FOXJ3: variants seen among roughly 807,000 people sequenced by gnomAD.
FOXJ3 encodes forkhead box protein J3.
Under a neutral mutation model 76.1 loss-of-function variants are expected in FOXJ3, and 22 were observed. The observed-to-expected ratio is 0.29, with a 90% CI of 0.21 to 0.41. The LOEUF (loss-of-function observed/expected upper bound fraction) is 0.41, where lower values mean the gene tolerates loss of function less well. FOXJ3 is among the 10% of genes least tolerant of loss of function. FOXJ3 has a pLI of 1.00. For synonymous variants in FOXJ3, 269 were observed against 261.2 expected (o/e 1.03, Z -0.29); for missense variants, 613 against 762.1 (o/e 0.80, Z 2.30).
chr1:42,303,318 T>C (rs1429254628), intron 2 of FOXJ3, among the ~76,000 whole-genome samples: 4 of 152,188 alleles, frequency 2.6e-5, no homozygotes. Context: ...CATAGAATTG[T>C]TGGGGGAACT....
In FOXJ3 at chr1:42,184,610, A is replaced by G. The variant is rs146163848; in HGVS notation, c.1646-2586T>C. Among the ~76,000 whole-genome samples, 62 of 152,054 alleles carry G rather than the reference A, an allele frequency of 4.1e-4. 1 individual carries two copies. Among genetic ancestry groups the G allele is most frequent in the African/African-American group, 1.5e-3 (61 of 41,408 alleles). On this transcript the variant is annotated intron_variant, in intron 11 of 12. Coordinates refer to ENST00000361346, the MANE Select transcript of FOXJ3 (RefSeq NM_014947.5). ...ATGGATACAGCAATGAAAAAACACA[A>G]CTCTGCTTTTCGGGTGTGTATTCTT...
chr1:42,298,567 A>G (rs1653937591), intron 2 of FOXJ3, among the ~76,000 whole-genome samples: 1 of 152,014 alleles, frequency 6.6e-6, no homozygotes, highest in Non-Finnish European at 1.5e-5. Flanking sequence ...TTCTTGGTTA[A>G]CTTAGCTAGC....
At chr1:42,180,719 T>TA (rs896664176) in intron 12 of FOXJ3, among the ~76,000 whole-genome samples, 9 of 152,172 alleles carry the variant, frequency 5.9e-5, no homozygotes, top group South Asian at 2.1e-4. Context: ...TGCCTCCATT[T>TA]AAAAAAAACT....
intron 4 of FOXJ3, among the ~76,000 whole-genome samples, chr1:42,250,693 G>A (rs1023798970): frequency 1.3e-5 from 2 of 149,436 alleles, no homozygotes; most frequent in Non-Finnish European, 3.0e-5. Context: ...GCACATGCCT[G>A]TAATCTCAGC....
Position 42,195,063 on chromosome 1 carries a change from A to G in FOXJ3, c.761T>C (p.Val254Ala). 6.3e-7 allele frequency: 1 copy of G among 1,592,126 alleles called. No individual in the cohort carries two copies. The highest frequency in any genetic ancestry group is 8.5e-7 in the Non-Finnish European group (1 of 1,172,894). Residue 254 changes from valine to alanine, a missense_variant and splice_region_variant, in exon 8 of 13, where the codon GTG (valine) becomes GCG (alanine). This residue lies in a region of FOXJ3 where 526 missense variants were observed against 601.4 expected (regional missense o/e 0.87). Coordinates refer to ENST00000361346, the MANE Select transcript of FOXJ3 (RefSeq NM_014947.5). ...AGAGACTGATTCTGGATGGCTTGTC[A>G]CCTAACATTAAAAGAAAACACAACT... is the stretch of plus-strand genomic sequence containing the variant. ...SVGSVHSYTPVTSHPESVSQS... is the reference protein window; with the variant it reads ...SVGSVHSYTPATSHPESVSQS...
chr1:42,237,933 CACACACAT>C (rs1275027586), intron 4 of FOXJ3, among the ~76,000 whole-genome samples: 5 of 142,052 alleles, frequency 3.5e-5, no homozygotes, highest in Admixed American at 1.4e-4. Flanking sequence ...CACACACACA[CACACACAT>C]ATATATAGAC....
intron 4 of FOXJ3, among the ~76,000 whole-genome samples, chr1:42,258,496 A>C (rs1650780006): frequency 6.6e-6 from 1 of 152,222 alleles, no homozygotes; most frequent in Non-Finnish European, 1.5e-5. Flanking sequence ...AAGTACTCAA[A>C]GGCAGTCTGC....
chr1:42,234,446 G>T (rs970596048), intron 4 of FOXJ3, among the ~76,000 whole-genome samples: 5 of 152,180 alleles, frequency 3.3e-5, no homozygotes, highest in Non-Finnish European at 5.9e-5. Flanking sequence ...CTGGTGAGGA[G>T]CTGTGTTCCT....
At chr1:42,249,058 C>G (rs1649802393) in intron 4 of FOXJ3, among the ~76,000 whole-genome samples, 1 of 152,060 alleles carries the variant, frequency 6.6e-6, no homozygotes, top group East Asian at 1.9e-4. Flanking sequence ...CGGCTTCATC[C>G]ATGTCCCTGC....
intron 2 of FOXJ3, among the ~76,000 whole-genome samples, chr1:42,309,183 T>C (rs1266613288): frequency 6.6e-6 from 1 of 152,110 alleles, no homozygotes; most frequent in East Asian, 1.9e-4. Context: ...CAATCATGGC[T>C]CTGGCAATTT....
chr1:42,224,332 T>C (rs1256175489), intron 5 of FOXJ3, among the ~76,000 whole-genome samples: 1 of 152,126 alleles, frequency 6.6e-6, no homozygotes, highest in African/African-American at 2.4e-5. Context: ...AACTAACTCA[T>C]GGATTAAGAA....
intron 5 of FOXJ3, among the ~76,000 whole-genome samples, chr1:42,216,408 C>G (rs1385890466): frequency 6.6e-6 from 1 of 151,594 alleles, no homozygotes; most frequent in Non-Finnish European, 1.5e-5. Context: ...GTCCCAGCTA[C>G]TCGGGAGGCT....
intron 4 of FOXJ3, among the ~76,000 whole-genome samples, chr1:42,261,910 T>G (rs913767763): frequency 2.6e-5 from 4 of 152,172 alleles, no homozygotes; most frequent in Non-Finnish European, 4.4e-5. Flanking sequence ...TAACTAACAT[T>G]TTGGTCTCCC....
intron 1 of FOXJ3, among the ~76,000 whole-genome samples, chr1:42,325,257 A>G (rs887762588): frequency 2.0e-5 from 3 of 152,166 alleles, no homozygotes; most frequent in African/African-American, 7.2e-5. Flanking sequence ...AAATTCCTTA[A>G]ATTTTCAGTA....
At chr1:42,251,749 T>C (rs1397262338) in intron 4 of FOXJ3, among the ~76,000 whole-genome samples, 4 of 133,762 alleles carry the variant, frequency 3.0e-5, no homozygotes, top group Non-Finnish European at 4.6e-5. Context: ...GACGGAGTTT[T>C]GCTCTGTTGC....
chr1:42,309,088 CG>C (rs1461276520), intron 2 of FOXJ3, among the ~76,000 whole-genome samples: 2 of 149,504 alleles, frequency 1.3e-5, no homozygotes, highest in Non-Finnish European at 3.0e-5. Flanking sequence ...AAACTACAAA[CG>C]TAACTTCATT....
chr1:42,315,386 T>G (rs1472272507), intron 1 of FOXJ3: 4 of 982,774 alleles, frequency 4.1e-6, no homozygotes, highest in Non-Finnish European at 1.2e-6. Flanking sequence ...CTGTCTTGCT[T>G]CTTCATCTGT....
chr1:42,188,660 C>A, intron 11 of FOXJ3, 77 bp downstream of exon 11: 2 of 938,626 alleles, frequency 2.1e-6, no homozygotes, highest in East Asian at 2.7e-5. Context: ...AGCAGCAAAC[C>A]AAGTTGGTTA....
intron 2 of FOXJ3, among the ~76,000 whole-genome samples, chr1:42,288,748 T>G (rs1167070951): frequency 7.1e-6 from 1 of 141,038 alleles, no homozygotes; most frequent in Non-Finnish European, 1.5e-5. Context: ...TCAGATACTA[T>G]GTGGTGTGTG....
Sources: gnomAD v4.1 joint callset for allele counts (sites outside exome capture counted in the v4.1 genomes callset) on GRCh38, gnomAD v4.1.1 for gene constraint, gnomAD v4.1.1 regional missense constraint, MANE v1.5 for transcripts, NCBI Gene and HGNC (gene_info 2026-07-23, HGNC 2026-07-21) for gene names.